The following EPHA5 variants were observed in gnomAD, a reference collection of about 807,000 sequenced individuals.
EPHA5 encodes the protein ephrin type-A receptor 5.
Under a neutral mutation model 105.0 loss-of-function variants are expected in EPHA5, and 60 were observed. The ratio of observed to expected loss-of-function variants is 0.57; its 90% CI spans 0.46 to 0.71. EPHA5 has a LOEUF of 0.71. EPHA5 is among the 30% of genes least tolerant of loss of function. The probability of loss-of-function intolerance (pLI) is 0.00; values close to 1 mark genes in which losing one functional copy is unlikely to be tolerated. For synonymous variants in EPHA5, 513 were observed against 449.1 expected (o/e 1.14, Z -1.80); for missense variants, 1,218 against 1,274.7 (o/e 0.96, Z 0.68).
intron 3 of EPHA5, among the ~76,000 whole-genome samples, chr4:65,523,180 A>G (rs999605280): frequency 6.6e-6 from 1 of 152,100 alleles, no homozygotes; most frequent in East Asian, 1.9e-4. Context: ...ATATTTTAAC[A>G]TTTAGTTAGA....
intron 5 of EPHA5, among the ~76,000 whole-genome samples, chr4:65,423,342 T>C (rs1294308508): frequency 1.3e-5 from 2 of 152,030 alleles, no homozygotes; most frequent in South Asian, 2.1e-4. Context: ...TATAACATTT[T>C]TTCCCCAGCA....
chr4:65,592,925 G>C (rs1742810098), intron 3 of EPHA5, among the ~76,000 whole-genome samples: 1 of 152,258 alleles, frequency 6.6e-6, no homozygotes, highest in Middle Eastern at 3.4e-3. Context: ...ACATCAGTAA[G>C]AGGAAATGCT....
At chr4:65,356,938 G>C (rs1723357049) in intron 11 of EPHA5, among the ~76,000 whole-genome samples, 1 of 151,230 alleles carries the variant, frequency 6.6e-6, no homozygotes, top group Admixed American at 6.6e-5. Context: ...TACAGACAAA[G>C]ACTAGATCTG....
chr4:65,455,984 C>T (rs1727545869), intron 5 of EPHA5, among the ~76,000 whole-genome samples: 1 of 152,092 alleles, frequency 6.6e-6, no homozygotes, highest in African/African-American at 2.4e-5. Context: ...ATATTTTTCC[C>T]CTTCTGTTCA....
At chr4:65,587,958 A>G (rs183221330) in intron 3 of EPHA5, among the ~76,000 whole-genome samples, 42 of 152,276 alleles carry the variant, frequency 2.8e-4, no homozygotes, top group Middle Eastern at 3.4e-3. Flanking sequence ...GATCTAAGTC[A>G]AGGTGACAAA....
At chr4:65,537,088 G>T (rs920197625) in intron 3 of EPHA5, among the ~76,000 whole-genome samples, 2 of 151,712 alleles carry the variant, frequency 1.3e-5, no homozygotes, top group Admixed American at 1.3e-4. Context: ...TTTCTCACAG[G>T]AGAGAAATAG....
At chr4:65,399,672 G>A (rs1376612652) in intron 8 of EPHA5, among the ~76,000 whole-genome samples, 4 of 152,232 alleles carry the variant, frequency 2.6e-5, no homozygotes, top group Non-Finnish European at 5.9e-5. Flanking sequence ...GTGCAAACAA[G>A]GGTGGAAAAG....
intron 3 of EPHA5, among the ~76,000 whole-genome samples, chr4:65,576,033 AG>A (rs1335861271): frequency 8.4e-5 from 10 of 119,234 alleles, no homozygotes; most frequent in South Asian, 2.8e-4. Context: ...AAAGAAAGAA[AG>A]AAAGAAAGAA....
At chr4:65,655,088 C>T (rs1578702835) in intron 1 of EPHA5, among the ~76,000 whole-genome samples, 1 of 151,418 alleles carries the variant, frequency 6.6e-6, no homozygotes, top group South Asian at 2.1e-4. Context: ...CCTTGTATTT[C>T]CTTAATGTAC....
intron 3 of EPHA5, among the ~76,000 whole-genome samples, chr4:65,576,634 A>G (rs1741084943): frequency 2.0e-5 from 3 of 152,238 alleles, no homozygotes; most frequent in African/African-American, 7.2e-5. Flanking sequence ...TTTGTGCTCC[A>G]GTGGTTAAAT....
intron 13 of EPHA5, among the ~76,000 whole-genome samples, chr4:65,348,813 A>ATTTTTTTTTT (rs1411450820): frequency 2.4e-5 from 1 of 41,346 alleles, no homozygotes; most frequent in Non-Finnish European, 4.7e-5. Context: ...ATATATATAT[A>ATTTTTTTTTT]TATTTTTTTT....
intron 5 of EPHA5, among the ~76,000 whole-genome samples, chr4:65,458,159 T>C (rs1330936339): frequency 6.6e-6 from 1 of 151,840 alleles, no homozygotes; most frequent in Non-Finnish European, 1.5e-5. Context: ...ATATTCAGTG[T>C]AAGATATTTT....
intron 8 of EPHA5, among the ~76,000 whole-genome samples, chr4:65,371,904 T>C (rs570292586): frequency 3.8e-4 from 58 of 152,140 alleles, no homozygotes; most frequent in African/African-American, 1.4e-3. Flanking sequence ...ATGCAGTGTC[T>C]AGCTCAGAAA....
chr4:65,328,744 A>T (rs1008499785), intron 16 of EPHA5, among the ~76,000 whole-genome samples: 21 of 151,140 alleles, frequency 1.4e-4, no homozygotes, highest in African/African-American at 5.1e-4. Flanking sequence ...AGATTTAACC[A>T]TGGTCTGTTA....
At chr4:65,532,994 C>T (rs1289417116) in intron 3 of EPHA5, among the ~76,000 whole-genome samples, 3 of 152,108 alleles carry the variant, frequency 2.0e-5, no homozygotes, top group Non-Finnish European at 4.4e-5. Context: ...AAACTCAAAA[C>T]AAAACAGTGC....
At chr4:65,560,752 T>G (rs1296364002) in intron 3 of EPHA5, among the ~76,000 whole-genome samples, 3 of 152,120 alleles carry the variant, frequency 2.0e-5, no homozygotes, top group Non-Finnish European at 2.9e-5. Context: ...TTCACATAAG[T>G]ATTCTAGACA....
intron 1 of EPHA5, among the ~76,000 whole-genome samples, chr4:65,665,637 G>T (rs1232783584): frequency 2.0e-5 from 3 of 151,960 alleles, no homozygotes; most frequent in Non-Finnish European, 4.4e-5. Context: ...ATTACAAGAA[G>T]AATATTTCCA....
chr4:65,367,388 T>C lies in EPHA5; in HGVS notation c.1830A>G (p.Glu610=). The part of the protein sequence containing the change: ...CGYSKAKQDP[E]EEKMHFHNGH... ...CATTATGAAAATGCATCTTTTCCTCTTCTGGATCTTGTTTTGCTTTGCTGT... is the reference window on the plus strand; with the variant it reads ...CATTATGAAAATGCATCTTTTCCTCCTCTGGATCTTGTTTTGCTTTGCTGT... The change falls in exon 9 of 17, where the codon GAA becomes GAG. Residue 610 remains glutamate (E), a synonymous_variant. Transcript: ENST00000613740. The C allele has an allele frequency of 6.2e-7, 1 of 1,612,340 alleles. No individual in the cohort carries two copies. The highest frequency in any genetic ancestry group is 8.5e-7 in the Non-Finnish European group (1 of 1,179,326).
At chr4:65,407,380 G>T (rs1385850245) in intron 7 of EPHA5, among the ~76,000 whole-genome samples, 2 of 152,008 alleles carry the variant, frequency 1.3e-5, no homozygotes, top group Non-Finnish European at 2.9e-5. Context: ...ATAACATTTT[G>T]GTAGTGTCAA....
Sources: gnomAD v4.1 joint callset for allele counts (sites outside exome capture counted in the v4.1 genomes callset) on GRCh38, gnomAD v4.1.1 for gene constraint, MANE v1.5 for transcripts, NCBI Gene and HGNC (gene_info 2026-07-23, HGNC 2026-07-21) for gene names.